Variants in EPHB1 observed in about 807,000 individuals in gnomAD.
The protein encoded by EPHB1 is ephrin type-B receptor 1.
A neutral mutation model predicts 94.4 loss-of-function variants in EPHB1; 30 were observed. The ratio of observed to expected loss-of-function variants is 0.32; its 90% CI spans 0.24 to 0.43. The LOEUF (loss-of-function observed/expected upper bound fraction) is 0.43, where lower values mean the gene tolerates loss of function less well. Among genes scored for constraint, EPHB1 ranks in the 20% least tolerant of loss-of-function variants. The pLI, the probability that EPHB1 is intolerant of heterozygous loss-of-function variation, is 1.00. For synonymous variants in EPHB1, 522 were observed against 489.1 expected, an observed-to-expected ratio of 1.07 and a Z score of -0.89; for missense variants, 1,055 against 1,308.3, an observed-to-expected ratio of 0.81 and a Z score of 2.99.
intron 3 of EPHB1, among the ~76,000 whole-genome samples, chr3:134,998,439 A>T (rs1385960595): frequency 6.6e-6 from 1 of 152,146 alleles, no homozygotes; most frequent in African/African-American, 2.4e-5. Flanking sequence ...GGACTTTATT[A>T]CCTTTTTCTT....
intron 2 of EPHB1, among the ~76,000 whole-genome samples, chr3:134,926,677 A>T (rs1201412972): frequency 1.3e-5 from 2 of 152,154 alleles, no homozygotes; most frequent in Non-Finnish European, 2.9e-5. Flanking sequence ...GGAACCTGGA[A>T]GGGTGGCGAT....
At chr3:134,915,332 A>G (rs2038543126) in intron 1 of EPHB1, among the ~76,000 whole-genome samples, 1 of 152,192 alleles carries the variant, frequency 6.6e-6, no homozygotes, top group South Asian at 2.1e-4. Flanking sequence ...TAAAATAGTC[A>G]TGCCACATAA....
intron 1 of EPHB1, among the ~76,000 whole-genome samples, chr3:134,857,238 G>C (rs1332279944): frequency 4.6e-5 from 7 of 152,118 alleles, no homozygotes; most frequent in Admixed American, 3.9e-4. Flanking sequence ...CTCAGCCCCT[G>C]TCTGCTTCCC....
intron 3 of EPHB1, among the ~76,000 whole-genome samples, chr3:135,070,611 G>T (rs1475802721): frequency 6.6e-6 from 1 of 152,090 alleles, no homozygotes; most frequent in Non-Finnish European, 1.5e-5. Context: ...CAGGGCATTT[G>T]CTTATTATTA....
intron 3 of EPHB1, among the ~76,000 whole-genome samples, chr3:135,076,859 G>A (rs1358616781): frequency 1.3e-5 from 2 of 152,160 alleles, no homozygotes; most frequent in African/African-American, 4.8e-5. Flanking sequence ...TGTTGAATGA[G>A]TCCTAGAAAT....
chr3:135,112,711 A>T (rs1345966862), intron 4 of EPHB1, among the ~76,000 whole-genome samples: 3 of 151,736 alleles, frequency 2.0e-5, no homozygotes, highest in South Asian at 2.1e-4. Context: ...CCTACAAAGG[A>T]CATGAACTCA....
At chr3:135,028,272 G>C (rs1325554081) in intron 3 of EPHB1, among the ~76,000 whole-genome samples, 3 of 146,538 alleles carry the variant, frequency 2.0e-5, no homozygotes, top group Non-Finnish European at 4.4e-5. Flanking sequence ...ACTAGCTTTT[G>C]AATGTGTTTG....
intron 5 of EPHB1, among the ~76,000 whole-genome samples, chr3:135,137,283 A>G (rs1317259243): frequency 1.3e-5 from 2 of 152,198 alleles, no homozygotes; most frequent in Non-Finnish European, 1.5e-5. Context: ...AGAGGCAGCC[A>G]TTGTTCAGCT....
At chr3:134,948,329 T>TAAA (rs34196572) in intron 2 of EPHB1, among the ~76,000 whole-genome samples, 2 of 145,268 alleles carry the variant, frequency 1.4e-5, no homozygotes, top group Admixed American at 6.8e-5. Context: ...AGCAGAACAG[T>TAAA]AAAAAAAAAA....
chr3:135,160,212 T>C (rs1941468270), intron 6 of EPHB1, among the ~76,000 whole-genome samples: 2 of 152,244 alleles, frequency 1.3e-5, no homozygotes, highest in Admixed American at 6.5e-5. Flanking sequence ...TAGTGTGTCA[T>C]AAATGTAACT....
intron 12 of EPHB1, among the ~76,000 whole-genome samples, chr3:135,216,312 C>A (rs529194398): frequency 1.1e-3 from 174 of 152,252 alleles, no homozygotes; most frequent in Middle Eastern, 3.4e-3. Context: ...AGAGTCTGAA[C>A]CCCTCCCCTC....
chr3:134,882,542 C>T lies in EPHB1; in HGVS notation c.59-43274C>T, dbSNP rs555237583. ...AAAATTCCCAATTATGAAGCATCAG[C>T]GTCCAGATGGCCATAACACTGTTTA... On this transcript the variant is annotated intron_variant, in intron 1 of 15. Transcript: ENST00000398015. Among the ~76,000 whole-genome samples the T allele has an allele frequency of 1.1e-3, 168 of 152,274 alleles. 3 individuals carry two copies. The highest frequency in any genetic ancestry group is 2.0e-3 in the Non-Finnish European group (137 of 68,026).
chr3:135,027,289 T>A (rs1364214718), intron 3 of EPHB1, among the ~76,000 whole-genome samples: 2 of 151,588 alleles, frequency 1.3e-5, no homozygotes, highest in Non-Finnish European at 2.9e-5. Flanking sequence ...CCCTGTCTTG[T>A]GCCAGTTTTC....
chr3:135,067,512 C>T (rs2107780028), intron 3 of EPHB1: 1 of 152,402 alleles, frequency 6.6e-6, no homozygotes, highest in South Asian at 2.1e-4. Context: ...AGCTCCCATG[C>T]AATCTGAAGG....
chr3:135,186,275 G>C lies in EPHB1; in HGVS notation c.1882+6293G>C, dbSNP rs59101433. On this transcript the variant is annotated intron_variant, in intron 10 of 15. Coordinates refer to ENST00000398015, the MANE Select transcript of EPHB1 (RefSeq NM_004441.5). ...AGGTTCCATCTCATGTGCCAACTCAGTGGCCTGGTAATGAGTATCTGAGGA... is the reference window on the plus strand; with the variant it reads ...AGGTTCCATCTCATGTGCCAACTCACTGGCCTGGTAATGAGTATCTGAGGA... Among the ~76,000 whole-genome samples, 1,346 of 152,300 alleles carry C rather than the reference G, an allele frequency of 8.8e-3. 21 individuals carry two copies. Among genetic ancestry groups the C allele is most frequent in the African/African-American group, 0.03 (1,259 of 41,554 alleles).
rs57121218 is a variant in EPHB1, at chr3:134,954,982, G to A, written c.805+2930G>A. On this transcript the variant is annotated intron_variant, in intron 3 of 15. Coordinates refer to ENST00000398015, the MANE Select transcript of EPHB1 (RefSeq NM_004441.5). ...TGAGAGGGGAGTAGAGGAAGCTATG[G>A]GGAGAACTTGCGCATTAGGATGTGT... 9.3e-3 allele frequency among the ~76,000 whole-genome samples: 1,393 copies of A among 150,018 alleles called. 14 individuals carry two copies. The highest frequency in any genetic ancestry group is 0.031 in the African/African-American group (1,267 of 41,266).
intron 1 of EPHB1, among the ~76,000 whole-genome samples, chr3:134,817,344 G>A (rs756130286): frequency 1.3e-4 from 20 of 152,260 alleles, no homozygotes; most frequent in Non-Finnish European, 5.9e-5. Flanking sequence ...CTCCTTCACC[G>A]TTTAGAGGGC....
chr3:134,941,819 G>A (rs1478319629), intron 2 of EPHB1, among the ~76,000 whole-genome samples: 1 of 148,022 alleles, frequency 6.8e-6, no homozygotes, highest in Non-Finnish European at 1.5e-5. Flanking sequence ...ACTGCAGAGA[G>A]TCAATATGCA....
chr3:134,952,842 G>A lies in EPHB1; in HGVS notation c.805+790G>A, dbSNP rs570607874. Among the ~76,000 whole-genome samples the A allele has an allele frequency of 2.6e-5, 4 of 152,310 alleles. No individual in the cohort carries two copies. The East Asian group carries it at 5.8e-4, about 22-fold the overall frequency. On this transcript the variant is annotated intron_variant, in intron 3 of 15. Coordinates refer to ENST00000398015, the MANE Select transcript of EPHB1 (RefSeq NM_004441.5). ...ATGTGCTGAACTGGCTGCAGGCTCA[G>A]TCTGCTCTGGGAGTGAATAGAAGGA...
Sources: gnomAD v4.1 joint callset for allele counts (sites outside exome capture counted in the v4.1 genomes callset) on GRCh38, gnomAD v4.1.1 for gene constraint, MANE v1.5 for transcripts, NCBI Gene and HGNC (gene_info 2026-07-23, HGNC 2026-07-21) for gene names.